Variants in E2F7 observed in about 807,000 individuals in gnomAD.
The protein encoded by E2F7 is transcription factor E2F7.
Under a neutral mutation model 81.1 loss-of-function variants are expected in E2F7, and 35 were observed. The observed-to-expected ratio is 0.43, with a 90% CI of 0.33 to 0.57. The LOEUF is 0.57. E2F7 is among the 20% of genes least tolerant of loss of function. The pLI, the probability that E2F7 is intolerant of heterozygous loss-of-function variation, is 0.04. For synonymous variants in E2F7, 416 were observed against 416.2 expected (o/e 1.00, Z 0.01); for missense variants, 961 against 1,093.7 (o/e 0.88, Z 1.71).
intron 10 of E2F7, among the ~76,000 whole-genome samples, chr12:77,029,469 C>T (rs1376545703): frequency 6.6e-6 from 1 of 152,052 alleles, no homozygotes; most frequent in African/African-American, 2.4e-5. Flanking sequence ...TCAGCTGCAT[C>T]CTGGATTAAG....
rs988013278 is a variant in E2F7, at chr12:77,023,295, C to G, written c.*720G>C. On this transcript the variant is annotated 3_prime_UTR_variant, in exon 13 of 13. Coordinates refer to ENST00000322886, the MANE Select transcript of E2F7 (RefSeq NM_203394.3). Reference sequence around the variant, plus strand: ...GAGTTCTAGAGTTCATCTTTGTTCTCAAGCCCACAGTCAGGGTTAGCACAG... The same window carrying G: ...GAGTTCTAGAGTTCATCTTTGTTCTGAAGCCCACAGTCAGGGTTAGCACAG... The G allele has an allele frequency of 6.6e-6, 1 of 152,630 alleles. No individual in the cohort carries two copies. The highest frequency in any genetic ancestry group is 1.5e-5 in the Non-Finnish European group (1 of 68,034). 9.5% of individuals were successfully genotyped at this position (152,630 alleles called of 1,614,324 possible).
chr12:77,032,996 G>A (rs753266), intron 9 of E2F7, 54 bp downstream of exon 9: 699,889 of 1,537,234 alleles, frequency 0.46, 161,050 homozygotes, highest in Admixed American at 0.49. Context: ...TTTAGTCAAA[G>A]TTAACACTAG....
At chr12:77,032,595 C>A (rs1296280561) in intron 9 of E2F7, among the ~76,000 whole-genome samples, 2 of 152,152 alleles carry the variant, frequency 1.3e-5, no homozygotes, top group Admixed American at 1.3e-4. Flanking sequence ...AACCTTTTTG[C>A]ACTTCAGCTT....
At chr12:77,040,877 T>C (rs1954888368) in intron 7 of E2F7, among the ~76,000 whole-genome samples, 1 of 152,124 alleles carries the variant, frequency 6.6e-6, no homozygotes, top group Non-Finnish European at 1.5e-5. Flanking sequence ...GAAAACACTA[T>C]TCGTAATACA....
Position 77,061,639 on chromosome 12 carries a change from T to C in E2F7, c.93+2904A>G, listed in dbSNP as rs539122774. Among the ~76,000 whole-genome samples, 20 of 152,310 alleles carry C rather than the reference T, an allele frequency of 1.3e-4. No individual in the cohort carries two copies. The South Asian group carries it at 3.1e-3, about 24-fold the overall frequency. ...TAAAGAAAAGTTTCTCCATGACTGG[T>C]AAGAAGATGCATACATAATACAGTA... On this transcript the variant is annotated intron_variant, in intron 2 of 12. Transcript: ENST00000322886.
chr12:77,055,734 T>C (rs10506725), intron 3 of E2F7, 121 bp downstream of exon 3: 70,788 of 1,096,400 alleles, frequency 0.065, 3,998 homozygotes, highest in South Asian at 0.24. Flanking sequence ...TCAAAAGATA[T>C]TCAGTTTGCC....
chr12:77,060,730 A>T (rs891766086), intron 2 of E2F7, among the ~76,000 whole-genome samples: 2 of 152,152 alleles, frequency 1.3e-5, no homozygotes, highest in East Asian at 3.9e-4. Flanking sequence ...CATTGCAATG[A>T]CTACATGTTA....
chr12:77,028,689 T>C (rs1954779305), intron 10 of E2F7, among the ~76,000 whole-genome samples: 1 of 151,984 alleles, frequency 6.6e-6, no homozygotes, highest in South Asian at 2.1e-4. Flanking sequence ...TCAGCCAGGA[T>C]GGTCTCGATT....
chr12:77,025,314 T>C (rs1033459296), intron 12 of E2F7, among the ~76,000 whole-genome samples: 4 of 151,984 alleles, frequency 2.6e-5, no homozygotes, highest in African/African-American at 9.7e-5. Context: ...CTAAAACAGG[T>C]CCCTCTAATT....
chr12:77,029,375 A>T (rs1396252835), intron 10 of E2F7, among the ~76,000 whole-genome samples: 1 of 152,194 alleles, frequency 6.6e-6, no homozygotes, highest in Non-Finnish European at 1.5e-5. Flanking sequence ...GAAGCTAGGG[A>T]AACAGGATCA....
At position 77,024,192 on chromosome 12, in the gene E2F7, A is replaced by C. The variant is rs188086326; in HGVS notation, c.2566-7T>G. On this transcript the variant is annotated splice_polypyrimidine_tract_variant and splice_region_variant and intron_variant, in intron 12 of 12. Transcript: ENST00000322886. ...GGGTCACTGGAACTGGTGACTGAAA[A>C]AAGAAAAAAGAAAAAACAGAAGTGA... 2,931 of 1,608,800 alleles carry C rather than the reference A, an allele frequency of 1.8e-3. 45 individuals carry two copies. In the African/African-American group the frequency reaches 0.035, roughly 19 times the overall value.
intron 8 of E2F7, 83 bp downstream of exon 8, chr12:77,033,774 C>T (rs958836660): frequency 9.7e-6 from 13 of 1,341,458 alleles, no homozygotes; most frequent in Admixed American, 5.4e-5. Flanking sequence ...TGTTTTAAAA[C>T]GCCAGCACGT....
At chr12:77,055,760 A>C in intron 3 of E2F7, 95 bp downstream of exon 3, 3 of 1,435,282 alleles carry the variant, frequency 2.1e-6, no homozygotes, top group Non-Finnish European at 2.8e-6. Flanking sequence ...TTTTGGCTCA[A>C]TAGGAGCTGA....
At chr12:77,042,998 T>G in intron 7 of E2F7, 67 bp downstream of exon 7, 16 of 1,609,174 alleles carry the variant, frequency 9.9e-6, no homozygotes, top group Admixed American at 1.7e-5. Flanking sequence ...GTAGTAGATG[T>G]GAGACTTGGA....
chr12:77,028,114 C>G lies in E2F7; in HGVS notation c.1909G>C (p.Ala637Pro), dbSNP rs1954774476. 6.2e-7 allele frequency: 1 copy of G among 1,613,900 alleles called. No individual in the cohort carries two copies. Among genetic ancestry groups the G allele is most frequent in the South Asian group, 1.1e-5 (1 of 91,060 alleles). Residue 637 changes from alanine (A) to proline (P), a missense_variant, in exon 11 of 13, where the codon GCC (alanine) becomes CCC (proline). Coordinates refer to ENST00000322886, the MANE Select transcript of E2F7 (RefSeq NM_203394.3). ...PKKPSDSTDLASPKTMGNRAS... is the reference protein window; with the variant it reads ...PKKPSDSTDLPSPKTMGNRAS... Reference sequence around the variant, plus strand: ...CTGTTACCCATAGTCTTGGGAGAGGCAAGGTCTGTGGAATCTGAGGGTTTC... The same window carrying G: ...CTGTTACCCATAGTCTTGGGAGAGGGAAGGTCTGTGGAATCTGAGGGTTTC...
Position 77,044,695 on chromosome 12 carries a change from C to G in E2F7, c.930G>C (p.Val310=). The G allele has an allele frequency of 6.2e-7, 1 of 1,614,102 alleles. No homozygotes were observed. The highest frequency in any genetic ancestry group is 8.5e-7 in the Non-Finnish European group (1 of 1,180,000). ...TTTCTTCTATCAGTATTTTGGCAGCCACATCCAGAGTGACAATCTTGGTTT... is the reference window on the plus strand; with the variant it reads ...TTTCTTCTATCAGTATTTTGGCAGCGACATCCAGAGTGACAATCTTGGTTT... ...VSKTKIVTLD[V]AAKILIEESQ... The change falls in exon 6 of 13, where the codon GTG becomes GTC. Residue 310 remains valine, a synonymous_variant. Coordinates refer to ENST00000322886, the MANE Select transcript of E2F7 (RefSeq NM_203394.3).
In E2F7 at chr12:77,022,670, A is replaced by G. The variant is rs1281101299; in HGVS notation, c.*1345T>C. On this transcript the variant is annotated 3_prime_UTR_variant, in exon 13 of 13. Coordinates refer to ENST00000322886, the MANE Select transcript of E2F7 (RefSeq NM_203394.3). ...GGAGGGAAGGAAGAGAGAATGAAGGAAAGTAGGAAGGAAAGAAGGGAACCA... is the reference window on the plus strand; with the variant it reads ...GGAGGGAAGGAAGAGAGAATGAAGGGAAGTAGGAAGGAAAGAAGGGAACCA... The G allele has an allele frequency of 6.6e-6, 1 of 152,532 alleles. No individual in the cohort carries two copies. Among genetic ancestry groups the G allele is most frequent in the African/African-American group, 2.4e-5 (1 of 41,432 alleles). The allele number at this position is 152,532 out of a possible 1,614,324, so 9.4% of individuals were successfully genotyped here.
chr12:77,033,843 G>C lies in E2F7; in HGVS notation c.1309+14C>G, dbSNP rs1372125592. The C allele has an allele frequency of 6.3e-7, 1 of 1,583,990 alleles. No individual in the cohort carries two copies. Among genetic ancestry groups the C allele is most frequent in the Admixed American group, 1.8e-5 (1 of 55,570 alleles). Reference sequence around the variant, plus strand: ...GCAACTGATGGACTCCATAGATTATGCAAGGGCAGATACCTTGTTCTTCTC... The same window carrying C: ...GCAACTGATGGACTCCATAGATTATCCAAGGGCAGATACCTTGTTCTTCTC... On this transcript the variant is annotated intron_variant, in intron 8 of 12. Transcript: ENST00000322886.
At position 77,064,597 on chromosome 12, in the gene E2F7, G is replaced by T. The variant is rs367916567; in HGVS notation, c.39C>A (p.Ser13Arg). The T allele has an allele frequency of 1.9e-6, 3 of 1,613,898 alleles. No individual in the cohort carries two copies. In the African/African-American group the frequency reaches 4.0e-5, roughly 22 times the overall value. The change falls in exon 2 of 13, where the codon AGC becomes AGA. Residue 13 changes from serine to arginine, a missense_variant. Transcript: ENST00000322886. ...CAAAATCTAGTCTGGGCTGCCTGGG[G>T]CTGATCAGGTCTTTTAGTGTTAAAC... Reference protein sequence around the residue: ...VNCLTLKDLISPRQPRLDFAV... With the variant: ...VNCLTLKDLIRPRQPRLDFAV...
Sources: gnomAD v4.1 joint callset for allele counts (sites outside exome capture counted in the v4.1 genomes callset) on GRCh38, gnomAD v4.1.1 for gene constraint, MANE v1.5 for transcripts, NCBI Gene and HGNC (gene_info 2026-07-23, HGNC 2026-07-21) for gene names.